Variants in PAPSS1 observed in about 807,000 individuals in gnomAD.
PAPSS1 encodes bifunctional 3'-phosphoadenosine 5'-phosphosulfate synthase 1.
A neutral mutation model predicts 72.0 loss-of-function variants in PAPSS1; 50 were observed. That is an observed-to-expected ratio of 0.69 (90% CI 0.55 to 0.88). The LOEUF (loss-of-function observed/expected upper bound fraction) is 0.88. Ranked by LOEUF, PAPSS1 falls within the 40% of genes least tolerant of loss-of-function variation. PAPSS1 has a pLI of 0.00. For synonymous variants in PAPSS1, 261 were observed against 263.6 expected (o/e 0.99, Z 0.09); for missense variants, 657 against 782.2 (o/e 0.84, Z 1.91).
At chr4:107,692,684 G>A (rs1009615019) in intron 3 of PAPSS1, among the ~76,000 whole-genome samples, 1 of 151,982 alleles carries the variant, frequency 6.6e-6, no homozygotes, top group African/African-American at 2.4e-5. Flanking sequence ...ATACATGCAT[G>A]AGTATGTTCA....
chr4:107,686,819 C>A lies in PAPSS1; in HGVS notation c.550+220G>T, dbSNP rs539734684. Among the ~76,000 whole-genome samples the A allele has an allele frequency of 7.2e-5, 11 of 152,304 alleles. No individual in the cohort carries two copies. The South Asian group carries it at 2.3e-3, about 32-fold the overall frequency. On this transcript the variant is annotated intron_variant, in intron 4 of 11. Transcript: ENST00000265174. ...GCCAACTCCCGAGCCCCAACTCTGG[C>A]TAGTGAACAGGATTCCAAAAGGATC...
At chr4:107,654,965 C>A (rs1726961621) in intron 7 of PAPSS1, 65 bp from the exon 8 acceptor site, 1 of 1,176,290 alleles carries the variant, frequency 8.5e-7, no homozygotes, top group Non-Finnish European at 1.2e-6. Flanking sequence ...ACTTAACACC[C>A]ACCTTTCACT....
Position 107,645,009 on chromosome 4 carries a change from C to T in PAPSS1, c.1299G>A (p.Gln433=). The change falls in exon 10 of 12, where the codon CAG becomes CAA. Residue 433 remains glutamine, a synonymous_variant. Coordinates refer to ENST00000265174, the MANE Select transcript of PAPSS1 (RefSeq NM_005443.5). ...TCTCTAGAAGTTGCTTATGGGTATC[C>T]TGCATTAACAGGGCATGTCCATTGT... ...PVHNGHALLM[Q]DTHKQLLERG... 6.2e-7 allele frequency: 1 copy of T among 1,610,268 alleles called. No homozygotes were observed. Among genetic ancestry groups the T allele is most frequent in the Non-Finnish European group, 8.5e-7 (1 of 1,177,934 alleles).
rs797008122 is a variant in PAPSS1, at chr4:107,626,024, A to T, written c.1736+5607T>A. Among the ~76,000 whole-genome samples the T allele has an allele frequency of 3.3e-5, 5 of 150,618 alleles. 1 individual carries two copies. The highest frequency in any genetic ancestry group is 1.2e-4 in the African/African-American group (5 of 41,030). ...AAACCCCATCTCTACTAAAAATAAA[A>T]AAAAATAGCCGGGCGCGGTGGCAGG... On this transcript the variant is annotated intron_variant, in intron 11 of 11. Coordinates refer to ENST00000265174, the MANE Select transcript of PAPSS1 (RefSeq NM_005443.5).
intron 10 of PAPSS1, among the ~76,000 whole-genome samples, chr4:107,634,604 A>C (rs568920605): frequency 6.6e-6 from 1 of 152,124 alleles, no homozygotes; most frequent in South Asian, 2.1e-4. Flanking sequence ...AAAGAAATAC[A>C]TTTCTTAAAA....
chr4:107,679,485 A>G (rs953014818), intron 5 of PAPSS1, among the ~76,000 whole-genome samples: 3 of 152,186 alleles, frequency 2.0e-5, no homozygotes, highest in Admixed American at 1.3e-4. Context: ...AGTATGACAG[A>G]AAATGAAACA....
At chr4:107,622,216 C>T (rs988327116) in intron 11 of PAPSS1, among the ~76,000 whole-genome samples, 6 of 152,290 alleles carry the variant, frequency 3.9e-5, no homozygotes, top group Middle Eastern at 6.8e-3. Context: ...ATGTCTTCAA[C>T]GTAGTCGATT....
At position 107,660,084 on chromosome 4, in the gene PAPSS1, C is replaced by T; in HGVS notation, c.670-12G>A. ...ACAGGTACAATATCCTATATAACAA[C>T]AGGAGTACAATTTAAATGTTTGATT... On this transcript the variant is annotated splice_polypyrimidine_tract_variant and intron_variant, in intron 5 of 11. Coordinates refer to ENST00000265174, the MANE Select transcript of PAPSS1 (RefSeq NM_005443.5). The T allele has an allele frequency of 1.6e-6, 2 of 1,215,322 alleles. No individual in the cohort carries two copies. Among genetic ancestry groups the T allele is most frequent in the South Asian group, 2.7e-5 (2 of 75,012 alleles). 75.3% of individuals were successfully genotyped at this position (1,215,322 alleles called of 1,614,324 possible).
intron 7 of PAPSS1, among the ~76,000 whole-genome samples, chr4:107,655,385 C>G (rs1726976073): frequency 1.3e-5 from 2 of 152,100 alleles, no homozygotes; most frequent in Admixed American, 1.3e-4. Flanking sequence ...CTTGAGTATC[C>G]TTGAGATAGG....
intron 1 of PAPSS1, among the ~76,000 whole-genome samples, chr4:107,705,251 T>C (rs957900942): frequency 3.3e-5 from 5 of 152,176 alleles, no homozygotes; most frequent in African/African-American, 7.2e-5. Flanking sequence ...TGGCTATGTG[T>C]CCCCACACAA....
chr4:107,627,226 T>A (rs531860046), intron 11 of PAPSS1, among the ~76,000 whole-genome samples: 5 of 152,184 alleles, frequency 3.3e-5, no homozygotes, highest in African/African-American at 4.8e-5. Flanking sequence ...GCTCAACTCT[T>A]TTTAGTTTGG....
At chr4:107,703,268 T>A (rs1723250238) in intron 1 of PAPSS1, among the ~76,000 whole-genome samples, 1 of 152,220 alleles carries the variant, frequency 6.6e-6, no homozygotes, top group Admixed American at 6.5e-5. Flanking sequence ...CCTTATCAGA[T>A]GTATGGTTTG....
intron 5 of PAPSS1, among the ~76,000 whole-genome samples, chr4:107,673,115 A>G (rs953522384): frequency 1.3e-5 from 2 of 152,186 alleles, no homozygotes; most frequent in African/African-American, 4.8e-5. Context: ...TGGGGAAAAA[A>G]CAGAGCAGAA....
chr4:107,654,912 A>G lies in PAPSS1; in HGVS notation c.896-12T>C. 6.2e-7 allele frequency: 1 copy of G among 1,601,256 alleles called. No individual in the cohort carries two copies. Among genetic ancestry groups the G allele is most frequent in the Non-Finnish European group, 8.6e-7 (1 of 1,169,186 alleles). On this transcript the variant is annotated splice_polypyrimidine_tract_variant and intron_variant, in intron 7 of 11. Transcript: ENST00000265174. Reference sequence around the variant, plus strand: ...GTTAATGACACCTCCTGCAGAGCACAAAAGAACATGAAGCACACAGCTTGA... The same window carrying G: ...GTTAATGACACCTCCTGCAGAGCACGAAAGAACATGAAGCACACAGCTTGA...
chr4:107,645,326 A>G lies in PAPSS1; in HGVS notation c.1238-256T>C, dbSNP rs191101055. 1.5e-3 allele frequency among the ~76,000 whole-genome samples: 227 copies of G among 152,262 alleles called. 1 individual carries two copies. Among genetic ancestry groups the G allele is most frequent in the African/African-American group, 2.4e-3 (99 of 41,550 alleles). Reference sequence around the variant, plus strand: ...TATGTACTATAACAATCATGGATTTATAAGAATTACTTTCTTGCATTCATG... The same window carrying G: ...TATGTACTATAACAATCATGGATTTGTAAGAATTACTTTCTTGCATTCATG... On this transcript the variant is annotated intron_variant, in intron 9 of 11. Coordinates refer to ENST00000265174, the MANE Select transcript of PAPSS1 (RefSeq NM_005443.5).
chr4:107,668,584 GA>G (rs755119519), intron 5 of PAPSS1, among the ~76,000 whole-genome samples: 44 of 152,186 alleles, frequency 2.9e-4, no homozygotes, highest in Non-Finnish European at 5.0e-4. Flanking sequence ...AAGCAGGCAG[GA>G]AAATGTGAAA....
In PAPSS1 at chr4:107,654,770, C is replaced by T. The variant is rs914458999; in HGVS notation, c.1026G>A (p.Glu342=). 4 of 1,613,860 alleles carry T rather than the reference C, an allele frequency of 2.5e-6. No individual in the cohort carries two copies. The highest frequency in any genetic ancestry group is 3.4e-6 in the Non-Finnish European group (4 of 1,179,930). The change falls in exon 8 of 12, where the codon GAG becomes GAA. Residue 342 remains glutamate, a synonymous_variant. Transcript: ENST00000265174. ...GRRVAILRNP[E]FFEHRKEERC... ...GCTCCTCTTTCCTGTGCTCAAAAAA[C>T]TCTGGATTGCGAAGAATGGCCACAC...
intron 1 of PAPSS1, 48 bp downstream of exon 1, chr4:107,720,072 C>T (rs779162219): frequency 6.3e-7 from 1 of 1,587,772 alleles, no homozygotes; most frequent in Non-Finnish European, 8.6e-7. Context: ...ACGAGCTGCT[C>T]CCACAGCCCC....
chr4:107,720,163 C>T lies in PAPSS1; in HGVS notation c.17G>A (p.Ser6Asn). The stretch of plus-strand genomic sequence containing the variant: ...GCTCAGTTTGACTTTCTTGCACAGG[C>T]TCCCGGGGATCTCCATGACCGCGGA... MEIPG[S>N]LCKKVKLSNN... The change falls in exon 1 of 12, where the codon AGC becomes AAC. Residue 6 changes from serine (S) to asparagine (N), a missense_variant. Ser to Asn is a conservative substitution (Grantham distance 46). Transcript: ENST00000265174. 2 of 1,604,562 alleles carry T rather than the reference C, an allele frequency of 1.2e-6. No individual in the cohort carries two copies. Among genetic ancestry groups the T allele is most frequent in the Non-Finnish European group, 1.7e-6 (2 of 1,176,066 alleles).
Sources: gnomAD v4.1 joint callset for allele counts (sites outside exome capture counted in the v4.1 genomes callset) on GRCh38, gnomAD v4.1.1 for gene constraint, MANE v1.5 for transcripts, NCBI Gene and HGNC (gene_info 2026-07-23, HGNC 2026-07-21) for gene names.